The following HMCN1 variants were observed in gnomAD, a reference collection of about 807,000 sequenced individuals.
The protein encoded by HMCN1 is hemicentin-1.
HMCN1 carries 321 observed loss-of-function variants against 625.9 expected under a neutral mutation model. The ratio of observed to expected loss-of-function variants is 0.51; its 90% confidence interval spans 0.47 to 0.56. The LOEUF (loss-of-function observed/expected upper bound fraction) is 0.56, where lower values mean the gene tolerates loss of function less well. Ranked by LOEUF, HMCN1 falls within the 20% of genes least tolerant of loss-of-function variation. HMCN1 has a pLI of 0.00. For missense variants in HMCN1, 6,588 were observed against 6,887.3 expected (o/e 0.96, Z 1.54); for synonymous variants, 2,425 against 2,417.6 (o/e 1.00, Z -0.09).
At chr1:185,814,722 C>T (rs1659738564) in intron 1 of HMCN1, among the ~76,000 whole-genome samples, 1 of 146,634 alleles carries the variant, frequency 6.8e-6, no homozygotes, top group Non-Finnish European at 1.5e-5. Context: ...GATGCAGTAT[C>T]ACTCTGTAGC....
chr1:186,048,338 A>C (rs1571775835), intron 41 of HMCN1, among the ~76,000 whole-genome samples: 1 of 152,184 alleles, frequency 6.6e-6, no homozygotes, highest in Non-Finnish European at 1.5e-5. Context: ...CAAACCTAGC[A>C]TGGGAGAAAG....
intron 15 of HMCN1, among the ~76,000 whole-genome samples, chr1:185,973,576 A>T (rs1486398648): frequency 1.3e-5 from 2 of 151,964 alleles, no homozygotes; most frequent in Non-Finnish European, 2.9e-5. Context: ...ATTACTTCAT[A>T]TCAACAATAC....
In HMCN1 at chr1:185,951,515, C is replaced by T. The variant is rs191382661; in HGVS notation, c.1829-11003C>T. Among the ~76,000 whole-genome samples, 4 of 150,042 alleles carry T rather than the reference C, an allele frequency of 2.7e-5. No homozygotes were observed. In the East Asian group the frequency reaches 7.7e-4, roughly 29 times the overall value. On this transcript the variant is annotated intron_variant, in intron 11 of 106. Coordinates refer to ENST00000271588, the MANE Select transcript of HMCN1 (RefSeq NM_031935.3). ...TGAGAGTTACCCGAAGCTCAGTGTC[C>T]ATGATGGTCTAGGGGGCTTCTGAGG...
At chr1:185,918,115 A>G (rs539205712) in intron 6 of HMCN1, among the ~76,000 whole-genome samples, 1 of 152,316 alleles carries the variant, frequency 6.6e-6, no homozygotes, top group South Asian at 2.1e-4. Flanking sequence ...CACAATCTCA[A>G]GTCAAAGTCC....
At chr1:186,091,623 C>T (rs1659847205) in intron 64 of HMCN1, among the ~76,000 whole-genome samples, 1 of 151,956 alleles carries the variant, frequency 6.6e-6, no homozygotes, top group Non-Finnish European at 1.5e-5. Flanking sequence ...GTGGTAAAGA[C>T]CTTGTACTAC....
intron 97 of HMCN1, among the ~76,000 whole-genome samples, chr1:186,159,384 C>T (rs1651272521): frequency 6.6e-6 from 1 of 152,146 alleles, no homozygotes. Context: ...ATTTGACTTC[C>T]TCTTTTCCTA....
chr1:186,019,331 A>G (rs1044155737), intron 34 of HMCN1, among the ~76,000 whole-genome samples: 1 of 152,078 alleles, frequency 6.6e-6, no homozygotes, highest in African/African-American at 2.4e-5. Flanking sequence ...TTCTTTGGAG[A>G]TTTAAAAATC....
At position 185,734,718 on chromosome 1, in the gene HMCN1, T is replaced by C. The variant is rs1653430334; in HGVS notation, c.-62T>C. 1 of 1,518,274 alleles carries C rather than the reference T, an allele frequency of 6.6e-7. No homozygotes were observed. The highest frequency in any genetic ancestry group is 1.7e-4 in the Middle Eastern group (1 of 5,792). 94.1% of individuals were successfully genotyped at this position (1,518,274 alleles called of 1,614,324 possible). ...TGAGAGGAAACCCTCTGCCTGTTGT[T>C]GAGGAGGACTGAGCACAGTGCTTAG... On this transcript the variant is annotated 5_prime_UTR_variant, in exon 1 of 107. It removes the in-frame stop codon of an upstream open reading frame in the 5' UTR. Coordinates refer to ENST00000271588, the MANE Select transcript of HMCN1 (RefSeq NM_031935.3).
intron 10 of HMCN1, among the ~76,000 whole-genome samples, chr1:185,932,304 T>G (rs950706892): frequency 3.9e-5 from 6 of 152,226 alleles, no homozygotes; most frequent in African/African-American, 1.4e-4. Context: ...AAAACACATA[T>G]ATCACTCAGA....
intron 1 of HMCN1, 32 bp from the exon 2 acceptor site, chr1:185,845,993 GT>G (rs750874103): frequency 1.3e-5 from 18 of 1,412,792 alleles, no homozygotes; most frequent in Non-Finnish European, 1.6e-5. Flanking sequence ...ATTGATTACT[GT>G]TTATTGACCT....
At chr1:185,973,496 T>G (rs897721123) in intron 15 of HMCN1, among the ~76,000 whole-genome samples, 15 of 152,194 alleles carry the variant, frequency 9.9e-5, no homozygotes, top group African/African-American at 3.1e-4. Context: ...AGCTTATGAC[T>G]TAGGAAGAAA....
intron 1 of HMCN1, among the ~76,000 whole-genome samples, chr1:185,828,785 C>T (rs1660679999): frequency 6.6e-6 from 1 of 151,784 alleles, no homozygotes. Context: ...AACAGGAAAC[C>T]CAACCTAAAT....
chr1:186,078,786 A>C (rs1030648397), intron 55 of HMCN1, among the ~76,000 whole-genome samples: 1 of 152,218 alleles, frequency 6.6e-6, no homozygotes, highest in African/African-American at 2.4e-5. Flanking sequence ...CAATGTTCTA[A>C]TTGATAAGGT....
At chr1:186,000,549 G>A (rs1316240282) in intron 26 of HMCN1, among the ~76,000 whole-genome samples, 2 of 132,530 alleles carry the variant, frequency 1.5e-5, no homozygotes, top group Non-Finnish European at 3.2e-5. Context: ...TAGGGTGTGT[G>A]TGTGTGTGTA....
intron 4 of HMCN1, among the ~76,000 whole-genome samples, chr1:185,891,301 G>A (rs1331981366): frequency 7.1e-6 from 1 of 141,666 alleles, no homozygotes; most frequent in Non-Finnish European, 1.5e-5. Context: ...GGAGCATTTA[G>A]TCCATTTACA....
intron 4 of HMCN1, among the ~76,000 whole-genome samples, chr1:185,878,624 G>T (rs944121367): frequency 2.0e-5 from 3 of 152,130 alleles, no homozygotes; most frequent in African/African-American, 7.2e-5. Context: ...TGTGCTGGTA[G>T]ATTTGATTTG....
intron 1 of HMCN1, among the ~76,000 whole-genome samples, chr1:185,758,900 A>G (rs1655305192): frequency 6.6e-6 from 1 of 152,156 alleles, no homozygotes; most frequent in Non-Finnish European, 1.5e-5. Flanking sequence ...AAGATCAGAG[A>G]GGTTAAATAC....
intron 94 of HMCN1, 37 bp from the exon 95 acceptor site, chr1:186,151,569 T>C: frequency 6.3e-7 from 1 of 1,587,890 alleles, no homozygotes; most frequent in Non-Finnish European, 8.6e-7. Flanking sequence ...AGACTAAAAA[T>C]TTTGCTATCA....
chr1:185,833,885 T>C (rs1023797532), intron 1 of HMCN1, among the ~76,000 whole-genome samples: 3 of 152,214 alleles, frequency 2.0e-5, no homozygotes, highest in African/African-American at 7.2e-5. Flanking sequence ...TCTTCTAAAG[T>C]TGGTTATTTA....
Sources: gnomAD v4.1 joint callset for allele counts (sites outside exome capture counted in the v4.1 genomes callset) on GRCh38, gnomAD v4.1.1 for gene constraint, MANE v1.5 for transcripts, NCBI Gene and HGNC (gene_info 2026-07-23, HGNC 2026-07-21) for gene names.